Variants in CHODL observed in about 807,000 individuals in gnomAD.
CHODL encodes chondrolectin, also known as transmembrane protein MT75.
Under a neutral mutation model 34.5 loss-of-function variants are expected in CHODL, and 29 were observed. That is an observed-to-expected ratio of 0.84 (90% CI 0.63 to 1.15). The LOEUF (loss-of-function observed/expected upper bound fraction) is 1.15. CHODL is among the 50% of genes most tolerant of loss of function. The pLI, the probability that CHODL is intolerant of heterozygous loss-of-function variation, is 0.00. For missense variants in CHODL, 332 were observed against 332.5 expected (o/e 1.00, Z 0.01); for synonymous variants, 125 against 116.1 (o/e 1.08, Z -0.49).
At chr21:17,938,385 TATATATAG>T (rs1243602663) in intron 1 of CHODL, among the ~76,000 whole-genome samples, 1 of 128,996 alleles carries the variant, frequency 7.8e-6, no homozygotes, top group African/African-American at 3.1e-5. Context: ...AGCTACTGCA[TATATATAG>T]ATATATATAT....
intron 1 of CHODL, among the ~76,000 whole-genome samples, chr21:17,996,083 T>A (rs917557048): frequency 6.6e-6 from 1 of 152,196 alleles, no homozygotes; most frequent in African/African-American, 2.4e-5. Flanking sequence ...ATTTATTTTT[T>A]TTTTTGCAAA....
At chr21:18,237,668 A>T (rs566905158) in intron 2 of CHODL, among the ~76,000 whole-genome samples, 1 of 152,274 alleles carries the variant, frequency 6.6e-6, no homozygotes, top group East Asian at 1.9e-4. Context: ...GCAGGTGAAG[A>T]TTAAAAAACA....
At chr21:18,158,394 G>A (rs953931570) in intron 2 of CHODL, among the ~76,000 whole-genome samples, 3 of 152,126 alleles carry the variant, frequency 2.0e-5, no homozygotes, top group Non-Finnish European at 2.9e-5. Context: ...GTTGCTTTGC[G>A]AGGTGTAACA....
At chr21:18,166,965 G>GTAAT (rs1439427346) in intron 2 of CHODL, among the ~76,000 whole-genome samples, 1 of 152,068 alleles carries the variant, frequency 6.6e-6, no homozygotes, top group Non-Finnish European at 1.5e-5. Flanking sequence ...TTTAAGCCTA[G>GTAAT]TAATTCTGTG....
chr21:18,066,498 T>C lies in CHODL; in HGVS notation c.-45+38527T>C, dbSNP rs138010882. Among the ~76,000 whole-genome samples the C allele has an allele frequency of 1.3e-3, 196 of 152,318 alleles. 1 individual carries two copies. The highest frequency in any genetic ancestry group is 4.3e-3 in the African/African-American group (180 of 41,576). On this transcript the variant is annotated intron_variant, in intron 2 of 6. Coordinates refer to the CHODL transcript ENST00000400127. ...TTTTCTGCATGAATAAGAGATCTTA[T>C]CACAACTTTGTGGAACAAACCTTGG...
At chr21:18,231,053 C>G (rs538993572) in intron 2 of CHODL, among the ~76,000 whole-genome samples, 1 of 152,202 alleles carries the variant, frequency 6.6e-6, no homozygotes, top group Admixed American at 6.6e-5. Context: ...GGCGGAACAC[C>G]TTAAGGACAA....
At chr21:18,026,998 T>G (rs1310484419) in intron 1 of CHODL, among the ~76,000 whole-genome samples, 1 of 152,122 alleles carries the variant, frequency 6.6e-6, no homozygotes, top group Non-Finnish European at 1.5e-5. Flanking sequence ...CTGTCCAGGC[T>G]GGGCGCAGTG....
At position 18,137,145 on chromosome 21, in the gene CHODL, C is replaced by T. The variant is rs374910629; in HGVS notation, c.-45+109174C>T. On this transcript the variant is annotated intron_variant, in intron 2 of 6. Coordinates refer to the CHODL transcript ENST00000400127. The stretch of plus-strand genomic sequence containing the variant: ...TGGCCTGTGTGCAATGTAAAACCAA[C>T]ACCCTCTTCCTTATTTCTGAGGGTT... Among the ~76,000 whole-genome samples the T allele has an allele frequency of 9.2e-5, 14 of 152,098 alleles. 1 individual carries two copies. The highest frequency in any genetic ancestry group is 3.9e-4 in the East Asian group (2 of 5,174).
At chr21:17,974,564 C>A (rs551764693) in intron 1 of CHODL, among the ~76,000 whole-genome samples, 1 of 152,072 alleles carries the variant, frequency 6.6e-6, no homozygotes, top group Non-Finnish European at 1.5e-5. Flanking sequence ...ACCACCATGC[C>A]CTGCCAGAAT....
At chr21:18,247,248 T>C (rs1568954026) in intron 1 of CHODL, among the ~76,000 whole-genome samples, 1 of 152,318 alleles carries the variant, frequency 6.6e-6, no homozygotes, top group Admixed American at 6.5e-5. Flanking sequence ...TCGTGCCACT[T>C]GGGACCATTC....
chr21:17,969,244 A>G (rs956720737), intron 1 of CHODL, among the ~76,000 whole-genome samples: 1 of 152,234 alleles, frequency 6.6e-6, no homozygotes, highest in African/African-American at 2.4e-5. Flanking sequence ...CACAAATTAT[A>G]GCCATATGGC....
At chr21:18,145,272 C>T (rs1254428742) in intron 2 of CHODL, among the ~76,000 whole-genome samples, 1 of 144,748 alleles carries the variant, frequency 6.9e-6, no homozygotes, top group Non-Finnish European at 1.5e-5. Flanking sequence ...CCCGTCTCTA[C>T]TAAAAATACA....
intron 3 of CHODL, among the ~76,000 whole-genome samples, chr21:18,259,427 C>G (rs1051603834): frequency 2.0e-5 from 3 of 152,106 alleles, no homozygotes; most frequent in Non-Finnish European, 4.4e-5. Context: ...GGGCTTCATA[C>G]TTAGGTGATG....
intron 1 of CHODL, among the ~76,000 whole-genome samples, chr21:17,934,788 G>A (rs2063306260): frequency 1.3e-5 from 2 of 151,982 alleles, no homozygotes; most frequent in Non-Finnish European, 2.9e-5. Flanking sequence ...ATGTGCATAT[G>A]TTTTGTTTGA....
chr21:18,100,282 T>C (rs1321591761), intron 2 of CHODL, among the ~76,000 whole-genome samples: 1 of 151,772 alleles, frequency 6.6e-6, no homozygotes, highest in Non-Finnish European at 1.5e-5. Context: ...GTCCTGATAA[T>C]AGATGTTGAA....
chr21:18,099,755 C>G (rs1375487092), intron 2 of CHODL, among the ~76,000 whole-genome samples: 1 of 152,080 alleles, frequency 6.6e-6, no homozygotes, highest in Non-Finnish European at 1.5e-5. Flanking sequence ...CAGAAAACTA[C>G]TTCTCCACAC....
intron 2 of CHODL, among the ~76,000 whole-genome samples, chr21:18,157,927 C>T (rs1044546278): frequency 6.6e-6 from 1 of 150,972 alleles, no homozygotes; most frequent in Non-Finnish European, 1.5e-5. Flanking sequence ...AGATAAAAAA[C>T]TGAAAATAAA....
chr21:18,015,535 A>G (rs1321164876), intron 1 of CHODL, among the ~76,000 whole-genome samples: 19 of 152,176 alleles, frequency 1.2e-4, no homozygotes, highest in Admixed American at 1.2e-3. Flanking sequence ...GGGCATTGCT[A>G]TAAAGATCCC....
intron 1 of CHODL, among the ~76,000 whole-genome samples, chr21:17,978,233 C>A (rs892995899): frequency 6.6e-6 from 1 of 151,488 alleles, no homozygotes; most frequent in African/African-American, 2.4e-5. Context: ...ACCAGCCTGG[C>A]CAGCATGGTG....
Sources: gnomAD v4.1 joint callset for allele counts (sites outside exome capture counted in the v4.1 genomes callset) on GRCh38, gnomAD v4.1.1 for gene constraint, MANE v1.5 for transcripts, NCBI Gene and HGNC (gene_info 2026-07-23, HGNC 2026-07-21) for gene names.